TESC: variants seen among roughly 807,000 people sequenced by gnomAD.
The protein encoded by TESC is calcineurin B homologous protein 3.
TESC carries 19 observed loss-of-function variants against 31.0 expected under a neutral mutation model. The ratio of observed to expected loss-of-function variants is 0.61; its 90% confidence interval spans 0.43 to 0.90. The LOEUF is 0.90. Ranked by LOEUF, TESC falls within the 40% of genes least tolerant of loss-of-function variation. The probability of loss-of-function intolerance (pLI) is 0.00; values close to 1 mark genes in which losing one functional copy is unlikely to be tolerated. For missense variants in TESC, 248 were observed against 303.8 expected (o/e 0.82, Z 1.36); for synonymous variants, 109 against 114.8 (o/e 0.95, Z 0.32).
In TESC at chr12:117,046,552, C is replaced by T. The variant is rs762931400; in HGVS notation, c.519+7G>A. 1.7e-5 allele frequency: 26 copies of T among 1,546,960 alleles called. No individual in the cohort carries two copies. The highest frequency in any genetic ancestry group is 1.1e-4 in the South Asian group (9 of 83,852). ...GCGCGTCTCGGGAGGGCTGCAGGGG[C>T]GCTCACCATCTGCCCCATGCACACG... On this transcript the variant is annotated splice_region_variant and intron_variant, in intron 6 of 7. Transcript: ENST00000335209.
At chr12:117,057,505 C>G (rs1042873185) in intron 2 of TESC, among the ~76,000 whole-genome samples, 1 of 152,132 alleles carries the variant, frequency 6.6e-6, no homozygotes, top group Non-Finnish European at 1.5e-5. Context: ...CTGCCTGAAG[C>G]CCATCCTCAA....
chr12:117,080,260 G>A (rs1007477097), intron 1 of TESC, among the ~76,000 whole-genome samples: 2 of 152,176 alleles, frequency 1.3e-5, no homozygotes, highest in African/African-American at 4.8e-5. Context: ...TTGAGGCCAG[G>A]AGTTCGAGAC....
chr12:117,085,066 G>A lies in TESC; in HGVS notation c.59-9726C>T, dbSNP rs559492536. ...CTTCAGCTGGCCAAGGGGCACCAGG[G>A]TTGCAGCGGAGGTTCTAGGCCACGG... On this transcript the variant is annotated intron_variant, in intron 1 of 7. Transcript: ENST00000335209. 2.0e-5 allele frequency among the ~76,000 whole-genome samples: 3 copies of A among 152,370 alleles called. No individual in the cohort carries two copies. In the South Asian group the frequency reaches 6.2e-4, roughly 32 times the overall value.
chr12:117,062,234 T>C (rs561328109), intron 2 of TESC, among the ~76,000 whole-genome samples: 4 of 152,152 alleles, frequency 2.6e-5, no homozygotes, highest in Non-Finnish European at 5.9e-5. Flanking sequence ...TTAATTTTTT[T>C]TTTTTGAGAC....
intron 2 of TESC, among the ~76,000 whole-genome samples, chr12:117,061,034 T>TAC (rs1954794702): frequency 6.6e-6 from 1 of 152,234 alleles, no homozygotes; most frequent in African/African-American, 2.4e-5. Flanking sequence ...GGCTCTACCC[T>TAC]ACTCTGCTAC....
intron 3 of TESC, among the ~76,000 whole-genome samples, chr12:117,051,920 T>G (rs1954652521): frequency 6.6e-6 from 1 of 152,162 alleles, no homozygotes; most frequent in Non-Finnish European, 1.5e-5. Flanking sequence ...CTCCACTCCA[T>G]TTTTTAAATA....
At chr12:117,049,408 C>T (rs562814104) in intron 3 of TESC, among the ~76,000 whole-genome samples, 1 of 152,180 alleles carries the variant, frequency 6.6e-6, no homozygotes, top group African/African-American at 2.4e-5. Flanking sequence ...GAGACAACTG[C>T]GTGACCGTTG....
intron 2 of TESC, among the ~76,000 whole-genome samples, chr12:117,060,496 TAG>T (rs1358861892): frequency 6.6e-6 from 1 of 152,130 alleles, no homozygotes; most frequent in Admixed American, 6.6e-5. Context: ...GGGGACAGAA[TAG>T]AGAGACCAGA....
chr12:117,056,002 C>T (rs573424446), intron 3 of TESC, among the ~76,000 whole-genome samples: 2 of 149,682 alleles, frequency 1.3e-5, no homozygotes, highest in South Asian at 4.2e-4. Context: ...CTCACTGCAA[C>T]GTCCGCCTCC....
intron 7 of TESC, 105 bp from the exon 8 acceptor site, chr12:117,039,315 A>C: frequency 9.2e-7 from 1 of 1,090,886 alleles, no homozygotes; most frequent in Non-Finnish European, 1.4e-6. Context: ...CCTGCCACCA[A>C]CTGTGATGTT....
rs754426994 is a variant in TESC, at chr12:117,046,586, C to T, written c.492G>A (p.Glu164=). The change falls in exon 6 of 8, where the codon GAG becomes GAA. Residue 164 remains glutamate, a synonymous_variant. Transcript: ENST00000335209. Reference sequence around the variant, plus strand: ...TCTGCCCCATGCACACGCTGGCCGCCTCCATCATGGCCCCGTCGGCGATGG... The same window carrying T: ...TCTGCCCCATGCACACGCTGGCCGCTTCCATCATGGCCCCGTCGGCGATGG... ...ARSIADGAMM[E]AASVCMGQME... 2 of 1,551,124 alleles carry T rather than the reference C, an allele frequency of 1.3e-6. No individual in the cohort carries two copies. Among genetic ancestry groups the T allele is most frequent in the East Asian group, 4.9e-5 (2 of 40,908 alleles).
intron 1 of TESC, among the ~76,000 whole-genome samples, chr12:117,075,867 A>G (rs1235482716): frequency 0.059 from 1,755 of 29,990 alleles, 93 homozygotes; most frequent in African/African-American, 0.15. Flanking sequence ...ATATATATAT[A>G]TATGTGTGTA....
chr12:117,076,968 C>G (rs576838861), intron 1 of TESC, among the ~76,000 whole-genome samples: 1 of 152,268 alleles, frequency 6.6e-6, no homozygotes, highest in South Asian at 2.1e-4. Context: ...CTTTCCAAAA[C>G]ACGGGCTGGA....
At chr12:117,044,263 C>A (rs1018502070) in intron 6 of TESC, among the ~76,000 whole-genome samples, 1 of 151,956 alleles carries the variant, frequency 6.6e-6, no homozygotes, top group Non-Finnish European at 1.5e-5. Context: ...CAGAACGAGA[C>A]CCTGTCTCTT....
At chr12:117,056,678 A>G in intron 3 of TESC, 128 bp downstream of exon 3, 1 of 981,644 alleles carries the variant, frequency 1.0e-6, no homozygotes, top group Non-Finnish European at 1.6e-6. Flanking sequence ...TATGCTCATA[A>G]CCCCTACCCA....
intron 6 of TESC, 60 bp from the exon 7 acceptor site, chr12:117,042,054 G>A: frequency 6.5e-7 from 1 of 1,535,062 alleles, no homozygotes. Flanking sequence ...AGCTTCCGCA[G>A]GGGGACGGTC....
At chr12:117,093,781 AT>A (rs35866896) in intron 1 of TESC, among the ~76,000 whole-genome samples, 23,487 of 141,332 alleles carry the variant, frequency 0.17, 1,833 homozygotes, top group Middle Eastern at 0.23. Flanking sequence ...AGGTCTGGAG[AT>A]TTTTTTTTTT....
Position 117,093,343 on chromosome 12 carries a change from AC to A in TESC, c.58+5881del, listed in dbSNP as rs1430835763. Among the ~76,000 whole-genome samples the A allele has an allele frequency of 7.2e-5, 11 of 152,350 alleles. No homozygotes were observed. In the East Asian group the frequency reaches 1.9e-3, roughly 27 times the overall value. On this transcript the variant is annotated intron_variant, in intron 1 of 7. Transcript: ENST00000335209. Reference sequence around the variant, plus strand: ...GAAACCAGCGCCACCCCCACCAGCCACGCTTGGCTACGCCAGTCCTCCCTGC... The same window carrying A: ...GAAACCAGCGCCACCCCCACCAGCCAGCTTGGCTACGCCAGTCCTCCCTGC...
chr12:117,084,754 C>A (rs144175670), intron 1 of TESC, among the ~76,000 whole-genome samples: 5 of 152,182 alleles, frequency 3.3e-5, no homozygotes, highest in Non-Finnish European at 7.3e-5. Flanking sequence ...TGTCAGCATG[C>A]GCTCCCATCC....
Sources: allele counts gnomAD v4.1 joint callset (sites outside exome capture counted in the v4.1 genomes callset), GRCh38; gene constraint gnomAD v4.1.1; transcripts MANE v1.5; gene names NCBI Gene and HGNC (gene_info 2026-07-23, HGNC 2026-07-21).